The following MMP26 variants were observed in gnomAD, a reference collection of about 807,000 sequenced individuals.
MMP26 encodes the protein matrix metalloproteinase-26.
In MMP26, 33 loss-of-function variants were observed where a neutral mutation model predicts 31.0. The observed-to-expected ratio is 1.06, with a 90% confidence interval of 0.81 to 1.42. MMP26 has a LOEUF of 1.42. MMP26 is among the 40% of genes most tolerant of loss of function. The pLI is 0.00. For missense variants in MMP26, 347 were observed against 316.1 expected, an observed-to-expected ratio of 1.10 and a Z score of -0.74; for synonymous variants, 122 against 114.9, an observed-to-expected ratio of 1.06 and a Z score of -0.40.
chr11:4,739,014 C>T (rs1848278773), intron 1 of MMP26, among the ~76,000 whole-genome samples: 1 of 152,130 alleles, frequency 6.6e-6, no homozygotes, highest in Non-Finnish European at 1.5e-5. Flanking sequence ...ATTTTCTTAT[C>T]TGTTGTCACT....
chr11:4,979,545 G>A (rs1024356124), intron 2 of MMP26, among the ~76,000 whole-genome samples: 5 of 152,090 alleles, frequency 3.3e-5, no homozygotes, highest in Non-Finnish European at 2.9e-5. Context: ...AGCTTTTATA[G>A]TGAGAAAGAC....
intron 2 of MMP26, among the ~76,000 whole-genome samples, chr11:4,920,141 A>C (rs1254592670): frequency 6.6e-6 from 1 of 152,144 alleles, no homozygotes; most frequent in Non-Finnish European, 1.5e-5. Flanking sequence ...TGTTTTGTGG[A>C]TATCTAGATT....
intron 2 of MMP26, among the ~76,000 whole-genome samples, chr11:4,785,493 G>C (rs562127578): frequency 2.6e-4 from 39 of 151,986 alleles, no homozygotes; most frequent in African/African-American, 8.0e-4. Flanking sequence ...ACAGTATTTT[G>C]TACCATCCTC....
At chr11:4,886,971 G>A (rs1029158285) in intron 2 of MMP26, among the ~76,000 whole-genome samples, 1 of 151,458 alleles carries the variant, frequency 6.6e-6, no homozygotes, top group African/African-American at 2.4e-5. Flanking sequence ...ATTTTTTTGT[G>A]GGTGATAAAA....
chr11:4,802,549 A>C (rs1346651569), intron 2 of MMP26, among the ~76,000 whole-genome samples: 1 of 152,170 alleles, frequency 6.6e-6, no homozygotes, highest in Non-Finnish European at 1.5e-5. Flanking sequence ...CTGGACCTGC[A>C]AAAGCCATCT....
intron 1 of MMP26, among the ~76,000 whole-genome samples, chr11:4,724,843 C>A (rs1291338618): frequency 6.6e-6 from 1 of 152,132 alleles, no homozygotes; most frequent in Non-Finnish European, 1.5e-5. Flanking sequence ...GGTCAGGTGA[C>A]AATGAGAATA....
intron 2 of MMP26, among the ~76,000 whole-genome samples, chr11:4,894,101 C>A (rs1466404612): frequency 6.6e-6 from 1 of 151,972 alleles, no homozygotes; most frequent in African/African-American, 2.4e-5. Flanking sequence ...TTATTTTACC[C>A]CCAAATGCTA....
rs920764392 is a variant in MMP26, at chr11:4,834,860, T to A, written c.-145+67519T>A. Among the ~76,000 whole-genome samples the A allele has an allele frequency of 2.6e-5, 4 of 152,260 alleles. No individual in the cohort carries two copies. In the East Asian group the frequency reaches 7.7e-4, roughly 29 times the overall value. Reference sequence around the variant, plus strand: ...GATCTCAATATGGTCTTCAGACAGGTTTTGTTTGGACATGGCAGTGTTTGG... The same window carrying A: ...GATCTCAATATGGTCTTCAGACAGGATTTGTTTGGACATGGCAGTGTTTGG... On this transcript the variant is annotated intron_variant, in intron 2 of 7. Coordinates refer to ENST00000380390, the MANE Select transcript of MMP26 (RefSeq NM_021801.5).
intron 2 of MMP26, chr11:4,769,069 C>T: frequency 6.4e-7 from 1 of 1,565,248 alleles, no homozygotes; most frequent in South Asian, 1.2e-5. Flanking sequence ...GGGGTAAAAG[C>T]AGGTATACAT....
At chr11:4,719,838 A>G (rs1392112256) in intron 1 of MMP26, among the ~76,000 whole-genome samples, 2 of 152,208 alleles carry the variant, frequency 1.3e-5, no homozygotes, top group Admixed American at 1.3e-4. Context: ...GGTGCAGCTT[A>G]GTTTGCAAAT....
At chr11:4,779,736 A>G (rs34245878) in intron 2 of MMP26, among the ~76,000 whole-genome samples, 14,392 of 152,036 alleles carry the variant, frequency 0.095, 850 homozygotes, top group Middle Eastern at 0.15. Flanking sequence ...TTTCAAATTT[A>G]TTGTTTTCAA....
chr11:4,908,545 T>G, intron 2 of MMP26: 1 of 531,990 alleles, frequency 1.9e-6, no homozygotes, highest in African/African-American at 1.9e-5. Flanking sequence ...AGGAAAATAC[T>G]TCTGTGATGG....
At chr11:4,900,209 A>C (rs1423535565) in intron 2 of MMP26, among the ~76,000 whole-genome samples, 1 of 152,158 alleles carries the variant, frequency 6.6e-6, no homozygotes, top group African/African-American at 2.4e-5. Flanking sequence ...CCTTTTCATG[A>C]AGTGATATAA....
intron 2 of MMP26, chr11:4,889,957 AGT>A (rs1850595007): frequency 6.2e-6 from 1 of 161,254 alleles, no homozygotes; most frequent in South Asian, 1.9e-4. Context: ...AGAAGTTGAC[AGT>A]GTTGTCGGAG....
chr11:4,822,136 G>A (rs773070388), intron 2 of MMP26: 21 of 1,612,262 alleles, frequency 1.3e-5, no homozygotes, highest in Non-Finnish European at 1.7e-5. Flanking sequence ...GAGGCGGAAA[G>A]CCTTCAACAC....
intron 2 of MMP26, among the ~76,000 whole-genome samples, chr11:4,807,345 T>G (rs1363303468): frequency 6.6e-6 from 1 of 152,154 alleles, no homozygotes; most frequent in Non-Finnish European, 1.5e-5. Context: ...CTATTCATGA[T>G]AGCAAAGACT....
At chr11:4,850,812 G>T (rs928864747) in intron 2 of MMP26, among the ~76,000 whole-genome samples, 2 of 149,964 alleles carry the variant, frequency 1.3e-5, no homozygotes, top group African/African-American at 4.9e-5. Context: ...GCAATAAATA[G>T]AAACAGACAT....
At chr11:4,935,181 C>T (rs1350426613) in intron 2 of MMP26, among the ~76,000 whole-genome samples, 1 of 151,756 alleles carries the variant, frequency 6.6e-6, no homozygotes, top group Non-Finnish European at 1.5e-5. Flanking sequence ...TGGCCGTTTT[C>T]ACGATATTGA....
At chr11:4,905,579 G>A (rs896233285) in intron 2 of MMP26, among the ~76,000 whole-genome samples, 4 of 152,092 alleles carry the variant, frequency 2.6e-5, no homozygotes, top group Non-Finnish European at 5.9e-5. Context: ...ATTCTGGAGT[G>A]AGGATAGCTT....
Sources: allele counts gnomAD v4.1 joint callset (sites outside exome capture counted in the v4.1 genomes callset), GRCh38; gene constraint gnomAD v4.1.1; transcripts MANE v1.5; gene names NCBI Gene and HGNC (gene_info 2026-07-23, HGNC 2026-07-21).